Variants in CAPN7 observed in about 807,000 individuals in gnomAD.
CAPN7 encodes calpain-7.
In CAPN7, 72 loss-of-function variants were observed where a neutral mutation model predicts 115.2. That is an observed-to-expected ratio of 0.63 (90% confidence interval 0.52 to 0.76). The LOEUF (loss-of-function observed/expected upper bound fraction) is 0.76, where lower values mean the gene tolerates loss of function less well. CAPN7 is among the 30% of genes least tolerant of loss of function. CAPN7 has a pLI of 0.00. For synonymous variants in CAPN7, 344 were observed against 322.3 expected (o/e 1.07, Z -0.72); for missense variants, 905 against 971.5 (o/e 0.93, Z 0.91).
chr3:15,225,454 T>C (rs1246618151), intron 6 of CAPN7, among the ~76,000 whole-genome samples: 1 of 152,220 alleles, frequency 6.6e-6, no homozygotes, highest in Non-Finnish European at 1.5e-5. Flanking sequence ...GTAAATCATA[T>C]TTGTTATGCT....
chr3:15,249,563 A>G (rs1175369922), intron 19 of CAPN7, among the ~76,000 whole-genome samples: 1 of 152,288 alleles, frequency 6.6e-6, no homozygotes, highest in Non-Finnish European at 1.5e-5. Flanking sequence ...ATTCATATGA[A>G]TATATTTTTA....
At chr3:15,249,006 C>CAAAAAA (rs1460568964) in intron 19 of CAPN7, among the ~76,000 whole-genome samples, 26 of 50,646 alleles carry the variant, frequency 5.1e-4, no homozygotes, top group African/African-American at 9.6e-4. Flanking sequence ...ATACAACAAC[C>CAAAAAA]AAAAAAAAAA....
intron 2 of CAPN7, 151 bp from the exon 3 acceptor site, chr3:15,217,274 T>G: frequency 1.6e-6 from 1 of 632,758 alleles, no homozygotes; most frequent in South Asian, 2.8e-5. Flanking sequence ...GGAGGAAATT[T>G]GTCCTTTTTT....
chr3:15,206,528 G>C lies in CAPN7; in HGVS notation c.33G>C (p.Val11=). The stretch of plus-strand genomic sequence containing the variant: ...CCACAGCACTGGAGCGGGACGCTGT[G>C]CAGTTCGCCCGTCTGGCGGTTCAGC... MDATALERDA[V]QFARLAVQRD... is the part of the protein sequence containing the mutation. The change falls in exon 1 of 21, where the codon GTG becomes GTC. Residue 11 remains valine, a synonymous_variant. Coordinates refer to ENST00000253693, the MANE Select transcript of CAPN7 (RefSeq NM_014296.3). 6.4e-7 allele frequency: 1 copy of C among 1,555,766 alleles called. No homozygotes were observed. The highest frequency in any genetic ancestry group is 8.7e-7 in the Non-Finnish European group (1 of 1,150,216).
chr3:15,245,595 C>G lies in CAPN7; in HGVS notation c.1934C>G (p.Thr645Ser). The G allele has an allele frequency of 6.2e-7, 1 of 1,613,868 alleles. No individual in the cohort carries two copies. The highest frequency in any genetic ancestry group is 8.5e-7 in the Non-Finnish European group (1 of 1,179,862). The change falls in exon 17 of 21, where the codon ACC becomes AGC. Residue 645 changes from threonine (T) to serine (S), a missense_variant. By Grantham distance (58) the Thr-to-Ser change is moderately conservative. Transcript: ENST00000253693. Reference sequence around the variant, plus strand: ...CATTATTTGACTAAGATAAAGCTGACCACACCTGGCACCCATACCTTTACA... The same window carrying G: ...CATTATTTGACTAAGATAAAGCTGAGCACACCTGGCACCCATACCTTTACA... Reference protein sequence around the residue: ...SPHYLTKIKLTTPGTHTFTLV... With the variant: ...SPHYLTKIKLSTPGTHTFTLV...
Position 15,246,754 on chromosome 3 carries a change from C to A in CAPN7, c.2033C>A (p.Thr678Asn), listed in dbSNP as rs535638509. The A allele has an allele frequency of 6.2e-7, 1 of 1,608,380 alleles. No homozygotes were observed. Among genetic ancestry groups the A allele is most frequent in the South Asian group, 1.1e-5 (1 of 90,510 alleles). ...TVRVYSACSF[T>N]FSKIPSPYTL... is the part of the protein sequence containing the mutation. ...TAGGTATATTCAGCATGCAGCTTTA[C>A]TTTTTCAAAGATTCCTTCACCATAC... Residue 678 changes from threonine to asparagine, a missense_variant, in exon 18 of 21, where the codon ACT (threonine) becomes AAT (asparagine). Transcript: ENST00000253693.
chr3:15,216,959 T>G (rs1416064220), intron 2 of CAPN7, among the ~76,000 whole-genome samples: 1 of 151,880 alleles, frequency 6.6e-6, no homozygotes, highest in Non-Finnish European at 1.5e-5. Flanking sequence ...GGAGGAAGGC[T>G]GGGCATGGTG....
At chr3:15,232,312 C>T (rs1396117810) in intron 9 of CAPN7, among the ~76,000 whole-genome samples, 1 of 152,114 alleles carries the variant, frequency 6.6e-6, no homozygotes, top group African/African-American at 2.4e-5. Context: ...TATCATCTGA[C>T]AGATTAGCTT....
chr3:15,213,797 A>G (rs987829575), intron 2 of CAPN7, among the ~76,000 whole-genome samples: 3 of 152,162 alleles, frequency 2.0e-5, no homozygotes, highest in African/African-American at 7.2e-5. Flanking sequence ...ACATTGATAT[A>G]TATGTGATAT....
rs1474594110 is a variant in CAPN7 at position 15,206,550 on chromosome 3, C to G, written c.55C>G (p.Gln19Glu). The change falls in exon 1 of 21, where the codon CAG (glutamine) becomes GAG (glutamate). Residue 19 changes from glutamine (Q) to glutamate (E), a missense_variant. Transcript: ENST00000253693. ...DAVQFARLAVQRDHEGRYSEA... is the reference protein window; with the variant it reads ...DAVQFARLAVERDHEGRYSEA... ...TGTGCAGTTCGCCCGTCTGGCGGTT[C>G]AGCGCGACCACGAAGGCCGCTACTC... is the stretch of plus-strand genomic sequence containing the variant. 1 of 1,556,310 alleles carries G rather than the reference C, an allele frequency of 6.4e-7. No homozygotes were observed. Among genetic ancestry groups the G allele is most frequent in the Non-Finnish European group, 8.7e-7 (1 of 1,150,340 alleles).
intron 12 of CAPN7, among the ~76,000 whole-genome samples, chr3:15,237,219 T>C (rs1695043494): frequency 6.6e-6 from 1 of 151,836 alleles, no homozygotes; most frequent in African/African-American, 2.4e-5. Flanking sequence ...TGTACACAAG[T>C]ACTTTACCTG....
At chr3:15,234,627 CAT>C (rs935318802) in intron 11 of CAPN7, among the ~76,000 whole-genome samples, 1 of 152,066 alleles carries the variant, frequency 6.6e-6, no homozygotes, top group African/African-American at 2.4e-5. Context: ...AATCCATATC[CAT>C]TTAAGGGACT....
At chr3:15,210,768 A>G in intron 1 of CAPN7, 1 of 1,288,776 alleles carries the variant, frequency 7.8e-7, no homozygotes, top group Non-Finnish European at 1.0e-6. Context: ...CATGTTGCCC[A>G]GGCTGAAAAC....
At chr3:15,206,782 C>T (rs908147607) in intron 1 of CAPN7, among the ~76,000 whole-genome samples, 185 bp downstream of exon 1, 3 of 152,182 alleles carry the variant, frequency 2.0e-5, no homozygotes, top group Non-Finnish European at 2.9e-5. Context: ...GCTGAGGCTG[C>T]GGGGAGGCTG....
Position 15,232,713 on chromosome 3 carries a change from A to G in CAPN7, c.1179+48A>G, listed in dbSNP as rs542417793. On this transcript the variant is annotated intron_variant, in intron 10 of 20. Transcript: ENST00000253693. ...CAGACACAGATTTAAGCTATCTAAT[A>G]TAACTGTTTTAAATTTGAAAAATTC... The G allele has an allele frequency of 4.1e-5, 60 of 1,475,986 alleles. 1 individual carries two copies. In the South Asian group the frequency reaches 8.6e-4, roughly 21 times the overall value. 91.4% of individuals were successfully genotyped at this position (1,475,986 alleles called of 1,614,324 possible).
At chr3:15,210,798 T>G in intron 1 of CAPN7, 2 of 1,289,490 alleles carry the variant, frequency 1.6e-6, no homozygotes, top group Non-Finnish European at 2.0e-6. Context: ...CTTAATTTTG[T>G]TAGGTTCAGT....
intron 9 of CAPN7, among the ~76,000 whole-genome samples, chr3:15,231,783 C>A (rs7614610): frequency 0.12 from 17,926 of 152,122 alleles, 3,521 homozygotes; most frequent in African/African-American, 0.4. Flanking sequence ...CCGCCTCGGC[C>A]TCCTAAAGTG....
chr3:15,221,934 AC>A (rs1446813923), intron 5 of CAPN7, among the ~76,000 whole-genome samples: 1 of 152,044 alleles, frequency 6.6e-6, no homozygotes, highest in East Asian at 1.9e-4. Context: ...AGCTTGGGCA[AC>A]AGAGGGAGAT....
At chr3:15,244,538 C>T (rs1446265936) in intron 16 of CAPN7, among the ~76,000 whole-genome samples, 3 of 152,140 alleles carry the variant, frequency 2.0e-5, no homozygotes, top group Non-Finnish European at 2.9e-5. Flanking sequence ...TAGACCACAC[C>T]ACCCCTAATC....
Sources: allele counts gnomAD v4.1 joint callset (sites outside exome capture counted in the v4.1 genomes callset), GRCh38; gene constraint gnomAD v4.1.1; transcripts MANE v1.5; gene names NCBI Gene and HGNC (gene_info 2026-07-23, HGNC 2026-07-21).